The following PPT1 variants were observed in gnomAD, a reference collection of about 807,000 sequenced individuals.
The protein encoded by PPT1 is palmitoyl-protein thioesterase 1.
Under a neutral mutation model 44.0 loss-of-function variants are expected in PPT1, and 24 were observed. That is an observed-to-expected ratio of 0.54 (90% confidence interval 0.39 to 0.77). The LOEUF is 0.77. PPT1 is among the 30% of genes least tolerant of loss of function. PPT1 has a pLI of 0.00. For synonymous variants in PPT1, 148 were observed against 140.2 expected, an observed-to-expected ratio of 1.06 and a Z score of -0.39; for missense variants, 341 against 378.8, an observed-to-expected ratio of 0.90 and a Z score of 0.83.
chr1:40,089,297 A>AAAAAAAAAAAAAAAT, intron 5 of PPT1, 113 bp downstream of exon 5: 2 of 616,446 alleles, frequency 3.2e-6, no homozygotes, highest in Non-Finnish European at 5.8e-6. Context: ...AAAAAAAAAG[A>AAAAAAAAAAAAAAAT]TCTCATTTGA....
At chr1:40,076,940 T>A (rs750089395) in intron 7 of PPT1, 27 bp from the exon 8 acceptor site, 1 of 1,613,664 alleles carries the variant, frequency 6.2e-7, no homozygotes, top group Non-Finnish European at 8.5e-7. Context: ...GGAAAGAAGC[T>A]CAGATATGAC....
rs190785938 is a variant in PPT1 at position 40,077,265 on chromosome 1, T to C, written c.727-352A>G. 5.5e-3 allele frequency among the ~76,000 whole-genome samples: 835 copies of C among 152,324 alleles called. 10 individuals are homozygous for C. The highest frequency in any genetic ancestry group is 0.019 in the African/African-American group (806 of 41,566). On this transcript the variant is annotated intron_variant, in intron 7 of 8. Coordinates refer to ENST00000642050, the MANE Select transcript of PPT1 (RefSeq NM_000310.4). Reference sequence around the variant, plus strand: ...CTTGCAAGGCACGGAAACAATTCACTGTTGAGTACAGAGGTCAGCAAACGT... The same window carrying C: ...CTTGCAAGGCACGGAAACAATTCACCGTTGAGTACAGAGGTCAGCAAACGT...
chr1:40,091,562 T>C (rs1303574578), intron 3 of PPT1, among the ~76,000 whole-genome samples, 163 bp from the exon 4 acceptor site: 1 of 152,092 alleles, frequency 6.6e-6, no homozygotes, highest in Non-Finnish European at 1.5e-5. Context: ...TCAACTTTCA[T>C]AGAAAATAAA....
chr1:40,088,599 G>T (rs1205761441), intron 5 of PPT1, among the ~76,000 whole-genome samples: 1 of 151,968 alleles, frequency 6.6e-6, no homozygotes, highest in Non-Finnish European at 1.5e-5. Context: ...ACAGAGACAG[G>T]GGTCTCACTA....
Position 40,089,428 on chromosome 1 carries a change from G to A in PPT1, c.518C>T (p.Ser173Phe), listed in dbSNP as rs1649436438. 2 of 1,614,066 alleles carry A rather than the reference G, an allele frequency of 1.2e-6. No individual in the cohort carries two copies. Among genetic ancestry groups the A allele is most frequent in the Admixed American group, 1.7e-5 (1 of 60,010 alleles). Reference protein sequence around the residue: ...IRKTLNAGAYSKVVQERLVQA... With the variant: ...IRKTLNAGAYFKVVQERLVQA... The stretch of plus-strand genomic sequence containing the variant: ...TACATACCGTTCCTGAACAACTTTG[G>A]AGTACGCCCCAGCATTCAGTGTTTT... The change falls in exon 5 of 9, where the codon TCC becomes TTC. Residue 173 changes from serine (S) to phenylalanine (F), a missense_variant. Ser to Phe is a radical substitution (Grantham distance 155). Coordinates refer to ENST00000642050, the MANE Select transcript of PPT1 (RefSeq NM_000310.4).
intron 8 of PPT1, 145 bp downstream of exon 8, chr1:40,076,697 A>G: frequency 6.5e-7 from 1 of 1,539,516 alleles, no homozygotes; most frequent in Non-Finnish European, 8.8e-7. Flanking sequence ...AGCTTCACCC[A>G]TATTGGACAT....
At chr1:40,078,715 G>A (rs1030825011) in intron 6 of PPT1, 57 bp from the exon 7 acceptor site, 2 of 1,425,152 alleles carry the variant, frequency 1.4e-6, no homozygotes, top group Non-Finnish European at 2.0e-6. Flanking sequence ...AGCAGAGGGA[G>A]TAAAGCCTTC....
chr1:40,092,584 C>G lies in PPT1; in HGVS notation c.125-77G>C, dbSNP rs4481840. On this transcript the variant is annotated intron_variant, in intron 1 of 8. Transcript: ENST00000642050. ...TGTTTAAAAACTCTGAGGCCTCAAA[C>G]AGCATTATCAAGGATGTGAAAACAA... 1 allele frequency: 1,156,340 copies of G among 1,157,626 alleles called. 577,544 individuals are homozygous for G. The highest frequency in any genetic ancestry group is 1 in the East Asian group (42,740 of 42,740). 71.7% of individuals were successfully genotyped at this position (1,157,626 alleles called of 1,614,324 possible).
At chr1:40,089,956 C>A (rs557901961) in intron 4 of PPT1, among the ~76,000 whole-genome samples, 1 of 152,168 alleles carries the variant, frequency 6.6e-6, no homozygotes, top group South Asian at 2.1e-4. Flanking sequence ...TCCTCACAAC[C>A]ACCCTGTGGA....
At chr1:40,090,031 T>C (rs1649469143) in intron 4 of PPT1, among the ~76,000 whole-genome samples, 2 of 152,218 alleles carry the variant, frequency 1.3e-5, no homozygotes, top group South Asian at 4.1e-4. Flanking sequence ...AAATACCTTG[T>C]CCAAGGTTAG....
intron 5 of PPT1, among the ~76,000 whole-genome samples, chr1:40,081,169 A>T (rs1570457829): frequency 6.6e-6 from 1 of 152,106 alleles, no homozygotes; most frequent in Non-Finnish European, 1.5e-5. Flanking sequence ...GAGGTGACTG[A>T]ATTACAGGGG....
chr1:40,081,166 C>G (rs141055627), intron 5 of PPT1, among the ~76,000 whole-genome samples: 30 of 152,204 alleles, frequency 2.0e-4, no homozygotes, highest in Admixed American at 1.1e-3. Context: ...TGGGAGGTGA[C>G]TGAATTACAG....
At chr1:40,088,263 C>CA (rs1425660249) in intron 5 of PPT1, among the ~76,000 whole-genome samples, 1 of 152,014 alleles carries the variant, frequency 6.6e-6, no homozygotes, top group East Asian at 1.9e-4. Flanking sequence ...TCTCCTGCCT[C>CA]AGCCTCCTGA....
chr1:40,080,734 CG>C (rs1648889682), intron 5 of PPT1, among the ~76,000 whole-genome samples: 4 of 152,172 alleles, frequency 2.6e-5, no homozygotes, highest in African/African-American at 9.7e-5. Context: ...ATTAGCCAGG[CG>C]CGGCGGCAGG....
Position 40,073,722 on chromosome 1 carries a change from T to A in PPT1, c.*339A>T. The A allele has an allele frequency of 3.5e-6, 1 of 286,470 alleles. No homozygotes were observed. Among genetic ancestry groups the A allele is most frequent in the East Asian group, 8.5e-5 (1 of 11,812 alleles). 17.7% of individuals were successfully genotyped at this position (286,470 alleles called of 1,614,324 possible). A position where few individuals can be genotyped will look rare whatever the true frequency, so the allele number is the denominator to read the frequency against. On this transcript the variant is annotated 3_prime_UTR_variant, in exon 9 of 9. Transcript: ENST00000642050. ...CTTGGAAAAATGTTTGCCCTTAGAA[T>A]CTATCTCACTACTTTAGTTAGTTGT...
chr1:40,078,711 G>A, intron 6 of PPT1, 53 bp from the exon 7 acceptor site: 4 of 1,450,382 alleles, frequency 2.8e-6, no homozygotes, highest in Non-Finnish European at 2.9e-6. Context: ...CACCAGCAGA[G>A]GGAGTAAAGC....
chr1:40,096,864 T>C (rs1649878372), intron 1 of PPT1: 5 of 610,376 alleles, frequency 8.2e-6, no homozygotes, highest in South Asian at 3.9e-5. Context: ...TAAGGATTAA[T>C]CAAGGACAGC....
intron 1 of PPT1, chr1:40,094,092 G>T: frequency 1.6e-6 from 1 of 634,116 alleles, no homozygotes. Context: ...AATAAGCAGA[G>T]GTACACATTC....
rs950100633 is a variant in PPT1 at position 40,073,328 on chromosome 1, C to G, written c.*733G>C. On this transcript the variant is annotated 3_prime_UTR_variant, in exon 9 of 9. Coordinates refer to ENST00000642050, the MANE Select transcript of PPT1 (RefSeq NM_000310.4). ...GAATGGAATAGGAAGAACTAGCTGCCTCACTTTTCACTTTCGCGCCTACAT... is the reference window on the plus strand; with the variant it reads ...GAATGGAATAGGAAGAACTAGCTGCGTCACTTTTCACTTTCGCGCCTACAT... 7 of 152,384 alleles carry G rather than the reference C, an allele frequency of 4.6e-5. No individual in the cohort carries two copies. The highest frequency in any genetic ancestry group is 1.7e-4 in the African/African-American group (7 of 41,456). 9.4% of individuals were successfully genotyped at this position (152,384 alleles called of 1,614,324 possible).
Sources: allele counts gnomAD v4.1 joint callset (sites outside exome capture counted in the v4.1 genomes callset), GRCh38; gene constraint gnomAD v4.1.1; transcripts MANE v1.5; gene names NCBI Gene and HGNC (gene_info 2026-07-23, HGNC 2026-07-21).